DACH2: variants seen among roughly 807,000 people sequenced by gnomAD.
DACH2 encodes dachshund family transcription factor 2.
In DACH2, 17 loss-of-function variants were observed where a neutral mutation model predicts 35.8. That is an observed-to-expected ratio of 0.48 (90% CI 0.33 to 0.71). The LOEUF (loss-of-function observed/expected upper bound fraction) is 0.71. Among genes scored for constraint, DACH2 ranks in the 30% least tolerant of loss-of-function variants. DACH2 has a pLI of 0.02. For missense variants in DACH2, 469 were observed against 472.7 expected (o/e 0.99, Z 0.07); for synonymous variants, 195 against 177.3 (o/e 1.10, Z -0.79).
intron 7 of DACH2, among the ~76,000 whole-genome samples, chrX:86,769,679 A>G (rs5922291): frequency 0.24 from 26,595 of 111,264 alleles, 3,108 homozygotes; most frequent in Middle Eastern, 0.38. Flanking sequence ...ATATAGTCAT[A>G]TAATCATCTA....
At position 86,466,826 on chromosome X, in the gene DACH2, G is replaced by T. The variant is rs1017273835; in HGVS notation, c.528-47453G>T. ...AGCCTTGAGGCTTGCACCCTCTGAA[G>T]CCACGTCCCCAGCTCTACGTTGGCC... On this transcript the variant is annotated intron_variant, in intron 2 of 11. Coordinates refer to ENST00000373125, the MANE Select transcript of DACH2 (RefSeq NM_053281.3). 4.5e-5 allele frequency among the ~76,000 whole-genome samples: 5 copies of T among 111,254 alleles called. No individual in the cohort carries two copies. The South Asian group carries it at 1.2e-3, about 26-fold the overall frequency.
intron 3 of DACH2, among the ~76,000 whole-genome samples, chrX:86,516,527 A>G (rs1286410998): frequency 3.6e-5 from 4 of 111,396 alleles, no homozygotes; most frequent in Non-Finnish European, 7.5e-5. Flanking sequence ...AAGGTAAACA[A>G]TCTATGGCTC....
At chrX:86,801,912 A>G (rs777817007) in intron 7 of DACH2, among the ~76,000 whole-genome samples, 8 of 111,746 alleles carry the variant, frequency 7.2e-5, no homozygotes, top group Admixed American at 9.5e-5. Flanking sequence ...AAATTGGCCC[A>G]TTATGCATGT....
chrX:86,489,708 G>A (rs770389660), intron 2 of DACH2, among the ~76,000 whole-genome samples: 9 of 111,199 alleles, frequency 8.1e-5, no homozygotes, highest in South Asian at 3.7e-4. Context: ...AGTCTAAACC[G>A]CGTTCACTGT....
intron 3 of DACH2, among the ~76,000 whole-genome samples, chrX:86,641,486 C>A (rs1383677827): frequency 2.7e-5 from 3 of 111,949 alleles, no homozygotes; most frequent in African/African-American, 9.7e-5. Context: ...ATCATTGGCA[C>A]CCCTGAAAGG....
intron 3 of DACH2, among the ~76,000 whole-genome samples, chrX:86,611,527 G>A (rs2039944725): frequency 9.0e-6 from 1 of 111,185 alleles, no homozygotes; most frequent in African/African-American, 3.3e-5. Context: ...TTCCTTTCAA[G>A]TTTGTTTAGG....
chrX:86,643,736 T>C (rs566384610), intron 3 of DACH2, among the ~76,000 whole-genome samples: 3 of 107,686 alleles, frequency 2.8e-5, no homozygotes, highest in African/African-American at 1.0e-4. Context: ...GCAAACCAAA[T>C]CTTGCAACAC....
chrX:86,786,102 C>T (rs1337557418), intron 7 of DACH2, among the ~76,000 whole-genome samples: 1 of 111,214 alleles, frequency 9.0e-6, no homozygotes, highest in African/African-American at 3.3e-5. Context: ...ATAGTGACCC[C>T]CTAACACCAC....
chrX:86,690,162 G>T (rs2040993263), intron 4 of DACH2, among the ~76,000 whole-genome samples: 1 of 111,914 alleles, frequency 8.9e-6, no homozygotes, highest in South Asian at 3.7e-4. Context: ...GGTGAAGAAT[G>T]ATTGCTTGGA....
chrX:86,620,189 T>C (rs1184745057), intron 3 of DACH2, among the ~76,000 whole-genome samples: 2 of 112,039 alleles, frequency 1.8e-5, no homozygotes, highest in African/African-American at 6.5e-5. Context: ...AAAGGCAAGG[T>C]GGTTCCAGTG....
Position 86,446,293 on chromosome X carries a change from T to C in DACH2, c.528-67986T>C, listed in dbSNP as rs1427353468. Reference sequence around the variant, plus strand: ...CATATAGTTGAGTCTTGTTTCTTTTTTTTTTTTTTTTTTATTATACTCTAA... The same window carrying C: ...CATATAGTTGAGTCTTGTTTCTTTTCTTTTTTTTTTTTTATTATACTCTAA... On this transcript the variant is annotated intron_variant, in intron 2 of 11. Coordinates refer to ENST00000373125, the MANE Select transcript of DACH2 (RefSeq NM_053281.3). 4.7e-3 allele frequency among the ~76,000 whole-genome samples: 489 copies of C among 103,412 alleles called. 1 individual carries two copies. The highest frequency in any genetic ancestry group is 0.01 in the Admixed American group (98 of 9,527). The allele number at this position is 103,412 out of a possible 115,157, so 89.8% of individuals were successfully genotyped here.
intron 1 of DACH2, among the ~76,000 whole-genome samples, chrX:86,267,698 T>C (rs1317846129): frequency 3.6e-5 from 4 of 112,169 alleles, no homozygotes; most frequent in African/African-American, 9.7e-5. Flanking sequence ...ATGATTCTTA[T>C]ACTATTAATA....
chrX:86,732,530 T>C (rs2041542864), intron 6 of DACH2, among the ~76,000 whole-genome samples: 1 of 112,069 alleles, frequency 8.9e-6, no homozygotes, highest in Admixed American at 9.5e-5. Flanking sequence ...GCTATCTGCC[T>C]GGATTTGAAT....
intron 2 of DACH2, among the ~76,000 whole-genome samples, chrX:86,412,848 C>A (rs764340988): frequency 4.5e-5 from 5 of 111,517 alleles, no homozygotes; most frequent in Non-Finnish European, 9.4e-5. Flanking sequence ...CAGCCTAGAC[C>A]TGTTGCAGTG....
intron 3 of DACH2, among the ~76,000 whole-genome samples, chrX:86,546,073 ATTTAG>A (rs1257738409): frequency 1.8e-5 from 2 of 111,783 alleles, no homozygotes; most frequent in African/African-American, 6.5e-5. Context: ...AGTAATGGCA[ATTTAG>A]ATGGAATTTA....
chrX:86,262,974 AC>A (rs2033653363), intron 1 of DACH2: 4 of 751,485 alleles, frequency 5.3e-6, no homozygotes, highest in Middle Eastern at 1.5e-3. Flanking sequence ...AGACATATGC[AC>A]CCAAAGCACT....
intron 2 of DACH2, among the ~76,000 whole-genome samples, chrX:86,467,926 T>C (rs746065046): frequency 9.0e-6 from 1 of 111,339 alleles, no homozygotes; most frequent in African/African-American, 3.3e-5. Flanking sequence ...AATGGCCCCA[T>C]AATTCAGTTT....
At chrX:86,277,633 A>G (rs2033942790) in intron 1 of DACH2, among the ~76,000 whole-genome samples, 1 of 112,311 alleles carries the variant, frequency 8.9e-6, no homozygotes, top group African/African-American at 3.2e-5. Flanking sequence ...TGGCCTAGGA[A>G]CTGCTAACAA....
chrX:86,511,938 C>T (rs1029235298), intron 2 of DACH2, among the ~76,000 whole-genome samples: 5 of 112,131 alleles, frequency 4.5e-5, no homozygotes, highest in African/African-American at 1.6e-4. Flanking sequence ...TTAAATGAAA[C>T]TGGCTCTCTG....
Sources: gnomAD v4.1 joint callset for allele counts (sites outside exome capture counted in the v4.1 genomes callset) on GRCh38, gnomAD v4.1.1 for gene constraint, MANE v1.5 for transcripts, NCBI Gene and HGNC (gene_info 2026-07-23, HGNC 2026-07-21) for gene names.